The following MOB3B variants were observed in gnomAD, a reference collection of about 807,000 sequenced individuals.
The protein encoded by MOB3B is MOB kinase activator 3B.
MOB3B carries 7 observed loss-of-function variants against 18.7 expected under a neutral mutation model. The ratio of observed to expected loss-of-function variants is 0.37; its 90% CI spans 0.21 to 0.70. MOB3B has a LOEUF of 0.70. Among genes scored for constraint, MOB3B ranks in the 30% least tolerant of loss-of-function variants. The probability of loss-of-function intolerance (pLI) is 0.52; values close to 1 mark genes in which losing one functional copy is unlikely to be tolerated. For missense variants in MOB3B, 253 were observed against 281.3 expected (o/e 0.90, Z 0.72); for synonymous variants, 111 against 99.9 (o/e 1.11, Z -0.66).
At chr9:27,341,458 G>C (rs994213793) in intron 3 of MOB3B, among the ~76,000 whole-genome samples, 8 of 152,212 alleles carry the variant, frequency 5.3e-5, no homozygotes, top group Non-Finnish European at 7.3e-5. Flanking sequence ...TGCTTCCTCA[G>C]TGAGCCTGTA....
intron 2 of MOB3B, among the ~76,000 whole-genome samples, chr9:27,432,945 A>G (rs749177633): frequency 3.9e-5 from 6 of 152,224 alleles, no homozygotes; most frequent in Non-Finnish European, 7.3e-5. Context: ...GGAATTCTCT[A>G]TTCATCTGAG....
intron 2 of MOB3B, among the ~76,000 whole-genome samples, chr9:27,452,820 G>A (rs530466203): frequency 1.1e-4 from 16 of 152,284 alleles, no homozygotes; most frequent in African/African-American, 3.8e-4. Flanking sequence ...AATGTTGATT[G>A]TTGAACTCAT....
intron 2 of MOB3B, among the ~76,000 whole-genome samples, chr9:27,390,351 C>T (rs574715182): frequency 3.8e-4 from 58 of 152,270 alleles, no homozygotes; most frequent in African/African-American, 1.2e-3. Flanking sequence ...TACAGGCACC[C>T]GCCACAACTG....
At position 27,459,011 on chromosome 9, in the gene MOB3B, G is replaced by GCCC. The variant is rs34345892; in HGVS notation, c.-198-3266_-198-3264dup. Among the ~76,000 whole-genome samples, 44 of 150,410 alleles carry GCCC rather than the reference G, an allele frequency of 2.9e-4. 1 individual carries two copies. Among genetic ancestry groups the GCCC allele is most frequent in the East Asian group, 2.8e-3 (14 of 5,058 alleles). On this transcript the variant is annotated intron_variant, in intron 1 of 3. Coordinates refer to ENST00000262244, the MANE Select transcript of MOB3B (RefSeq NM_024761.5). ...AAGAAGAAATAGGTTGATCAGGTAG[G>GCCC]CCCCCCCCCATGTTTAAAGACAATG...
chr9:27,353,069 C>T (rs1358778369), intron 3 of MOB3B, among the ~76,000 whole-genome samples: 1 of 152,164 alleles, frequency 6.6e-6, no homozygotes. Context: ...TACTTCCCCA[C>T]CCCACTGAGC....
intron 2 of MOB3B, among the ~76,000 whole-genome samples, chr9:27,393,267 A>G (rs1821753411): frequency 6.6e-6 from 1 of 152,132 alleles, no homozygotes; most frequent in Admixed American, 6.6e-5. Flanking sequence ...TCCCCAAAGT[A>G]AATATAGGCC....
intron 3 of MOB3B, among the ~76,000 whole-genome samples, chr9:27,332,826 G>A (rs564275394): frequency 1.3e-5 from 2 of 152,290 alleles, no homozygotes; most frequent in East Asian, 1.9e-4. Flanking sequence ...GCAGGTCTAC[G>A]GTTTAAACTC....
intron 2 of MOB3B, chr9:27,378,431 C>T (rs1450157128): frequency 2.1e-6 from 1 of 471,482 alleles, no homozygotes; most frequent in East Asian, 6.9e-5. Flanking sequence ...CTGATCCCAT[C>T]TAGTTCCCTC....
intron 3 of MOB3B, among the ~76,000 whole-genome samples, chr9:27,338,081 A>C (rs911503817): frequency 6.6e-6 from 1 of 152,086 alleles, no homozygotes; most frequent in Non-Finnish European, 1.5e-5. Flanking sequence ...GGGAGAAATA[A>C]AACTGTTTTC....
At chr9:27,478,055 G>A (rs746055396) in intron 1 of MOB3B, among the ~76,000 whole-genome samples, 51 of 152,092 alleles carry the variant, frequency 3.4e-4, no homozygotes, top group Admixed American at 2.8e-3. Flanking sequence ...AAATGCATCC[G>A]ATTAAAAAAA....
chr9:27,495,685 G>C (rs1819887607), intron 1 of MOB3B, among the ~76,000 whole-genome samples: 1 of 152,206 alleles, frequency 6.6e-6, no homozygotes, highest in Non-Finnish European at 1.5e-5. Context: ...CTGTTGGTTA[G>C]TGTATTAAAG....
At chr9:27,454,394 C>T (rs762117942) in intron 2 of MOB3B, among the ~76,000 whole-genome samples, 1 of 152,158 alleles carries the variant, frequency 6.6e-6, no homozygotes, top group Non-Finnish European at 1.5e-5. Context: ...TAGGAGATTG[C>T]GGATTCCTAT....
intron 1 of MOB3B, among the ~76,000 whole-genome samples, chr9:27,475,804 C>T (rs965144302): frequency 3.9e-5 from 6 of 152,176 alleles, no homozygotes; most frequent in Admixed American, 3.9e-4. Context: ...ACATCCCAAA[C>T]TCCTCACACC....
intron 2 of MOB3B, among the ~76,000 whole-genome samples, chr9:27,371,488 CG>C (rs1432181343): frequency 1.3e-5 from 2 of 152,070 alleles, no homozygotes; most frequent in Non-Finnish European, 2.9e-5. Context: ...TGTAAGATCC[CG>C]CGAAGGTAAG....
rs1161743736 is a variant in MOB3B at position 27,435,158 on chromosome 9, C to T, written c.418+19975G>A. On this transcript the variant is annotated intron_variant, in intron 2 of 3. Transcript: ENST00000262244. ...AGGCCTAGACTAAAATCTGCATAAT[C>T]TTACCCTTGTTTTCTCTTTTCCTGG... Among the ~76,000 whole-genome samples the T allele has an allele frequency of 2.0e-5, 3 of 151,978 alleles. No individual in the cohort carries two copies. In the East Asian group the frequency reaches 5.9e-4, roughly 30 times the overall value.
At chr9:27,378,257 CTG>C (rs1041218104) in intron 2 of MOB3B, 3 of 434,300 alleles carry the variant, frequency 6.9e-6, no homozygotes, top group African/African-American at 4.0e-5. Context: ...ACTGAAAAGA[CTG>C]TGTGTGACTG....
At chr9:27,462,238 G>T (rs1819304872) in intron 1 of MOB3B, among the ~76,000 whole-genome samples, 1 of 151,868 alleles carries the variant, frequency 6.6e-6, no homozygotes, top group Non-Finnish European at 1.5e-5. Context: ...AAAAGAAAGA[G>T]AAACTTCTCT....
At chr9:27,497,188 G>A (rs2131491975) in intron 1 of MOB3B, among the ~76,000 whole-genome samples, 1 of 152,268 alleles carries the variant, frequency 6.6e-6, no homozygotes, top group Middle Eastern at 3.4e-3. Context: ...TACAAACTTT[G>A]TGGAGGTTAC....
chr9:27,480,812 T>A (rs774151847), intron 1 of MOB3B, among the ~76,000 whole-genome samples: 2 of 151,534 alleles, frequency 1.3e-5, no homozygotes, highest in African/African-American at 2.4e-5. Context: ...AGACAAAATA[T>A]GAAAAAAAGA....
Sources: allele counts gnomAD v4.1 joint callset (sites outside exome capture counted in the v4.1 genomes callset), GRCh38; gene constraint gnomAD v4.1.1; transcripts MANE v1.5; gene names NCBI Gene and HGNC (gene_info 2026-07-23, HGNC 2026-07-21).